The following CCDC93 variants were observed in gnomAD, a reference collection of about 807,000 sequenced individuals.
The protein encoded by CCDC93 is coiled-coil domain-containing protein 93.
CCDC93 carries 61 observed loss-of-function variants against 108.2 expected under a neutral mutation model. That is an observed-to-expected ratio of 0.56 (90% CI 0.46 to 0.70). The LOEUF is 0.70. Among genes scored for constraint, CCDC93 ranks in the 30% least tolerant of loss-of-function variants. The pLI is 0.00. For missense variants in CCDC93, 685 were observed against 764.2 expected, an observed-to-expected ratio of 0.90 and a Z score of 1.22; for synonymous variants, 276 against 260.4, an observed-to-expected ratio of 1.06 and a Z score of -0.58.
chr2:117,986,021 C>T lies in CCDC93; in HGVS notation c.568G>A (p.Glu190Lys). Residue 190 changes from glutamate (E) to lysine (K), a missense_variant, in exon 7 of 24, where the codon GAG becomes AAG. Glu to Lys is a moderately conservative substitution (Grantham distance 56, BLOSUM62 1). Transcript: ENST00000376300. ...RKYKRHQGAE[E>K]LLDEESRIHA... ...ATTCGAGATTCTTCATCAAGTAGCT[C>T]CTCTGCTCCCTGGTGGCGTTTGTAT... 1 of 1,613,872 alleles carries T rather than the reference C, an allele frequency of 6.2e-7. No individual in the cohort carries two copies. The highest frequency in any genetic ancestry group is 1.3e-5 in the African/African-American group (1 of 75,032).
intron 23 of CCDC93, among the ~76,000 whole-genome samples, chr2:117,920,910 G>A (rs912621019): frequency 1.5e-4 from 23 of 152,300 alleles, no homozygotes; most frequent in South Asian, 1.5e-3. Context: ...GGGGCCGGGC[G>A]CAGTGGCTCA....
chr2:117,923,880 A>C (rs1677980475), intron 23 of CCDC93, among the ~76,000 whole-genome samples: 1 of 152,144 alleles, frequency 6.6e-6, no homozygotes, highest in South Asian at 2.1e-4. Context: ...GGCACACCCC[A>C]GTAGGGGCAC....
chr2:117,936,655 C>G (rs202184815), intron 21 of CCDC93, 47 bp downstream of exon 21: 29 of 1,506,896 alleles, frequency 1.9e-5, no homozygotes, highest in Middle Eastern at 1.7e-4. Flanking sequence ...GAATTCAAAG[C>G]GCAGGCCGGC....
At chr2:118,003,552 TAG>T (rs1676774611) in intron 3 of CCDC93, among the ~76,000 whole-genome samples, 1 of 152,130 alleles carries the variant, frequency 6.6e-6, no homozygotes, top group Admixed American at 6.5e-5. Flanking sequence ...TTGGTTTGCA[TAG>T]AGTTACCAAT....
chr2:117,971,338 TG>T (rs2104776660), intron 11 of CCDC93, among the ~76,000 whole-genome samples: 1 of 152,256 alleles, frequency 6.6e-6, no homozygotes, highest in East Asian at 1.9e-4. Context: ...ACTCTTTGCC[TG>T]GGCAACAGAG....
At chr2:117,930,480 G>T (rs1678289334) in intron 23 of CCDC93, among the ~76,000 whole-genome samples, 2 of 152,220 alleles carry the variant, frequency 1.3e-5, no homozygotes, top group Admixed American at 1.3e-4. Context: ...TTGGGTGTTA[G>T]GAGGTGCCAG....
chr2:117,964,487 T>C (rs1366142170), intron 11 of CCDC93, among the ~76,000 whole-genome samples: 1 of 152,148 alleles, frequency 6.6e-6, no homozygotes, highest in Non-Finnish European at 1.5e-5. Context: ...AAAGCAAACA[T>C]TCTAGTCCTG....
intron 23 of CCDC93, among the ~76,000 whole-genome samples, chr2:117,923,190 G>T (rs1016671069): frequency 1.3e-5 from 2 of 152,166 alleles, no homozygotes; most frequent in Non-Finnish European, 2.9e-5. Flanking sequence ...CAGTGTAAGC[G>T]AGGCAGAAGA....
At position 117,936,750 on chromosome 2, in the gene CCDC93, A is replaced by C; in HGVS notation, c.1606-11T>G. The stretch of plus-strand genomic sequence containing the variant: ...GTTCAGCAGACTAATCTGGGGAAGT[A>C]AAAAAACAAACGAAATTATAAGACA... On this transcript the variant is annotated splice_polypyrimidine_tract_variant and intron_variant, in intron 20 of 23. Coordinates refer to ENST00000376300, the MANE Select transcript of CCDC93 (RefSeq NM_019044.5). The C allele has an allele frequency of 6.2e-7, 1 of 1,611,146 alleles. No individual in the cohort carries two copies. The highest frequency in any genetic ancestry group is 2.2e-5 in the East Asian group (1 of 44,868).
chr2:117,936,507 C>CA, intron 21 of CCDC93, 195 bp downstream of exon 21: 1 of 576,858 alleles, frequency 1.7e-6, no homozygotes, highest in Non-Finnish European at 3.1e-6. Context: ...ACTCTACTAT[C>CA]ATTATAGTTT....
rs149056337 is a variant in CCDC93 at position 117,986,235 on chromosome 2, G to A, written c.520-166C>T. On this transcript the variant is annotated intron_variant, in intron 6 of 23. Transcript: ENST00000376300. The stretch of plus-strand genomic sequence containing the variant: ...GCTGGAATGCAGTGGCGCGATCTCG[G>A]CTCACTGCCAACAGCTCTGCCTCTA... Among the ~76,000 whole-genome samples, 415 of 148,344 alleles carry A rather than the reference G, an allele frequency of 2.8e-3. 6 individuals carry two copies. Among genetic ancestry groups the A allele is most frequent in the East Asian group, 0.02 (99 of 5,002 alleles).
intron 6 of CCDC93, among the ~76,000 whole-genome samples, chr2:117,988,627 G>A (rs1680389013): frequency 6.6e-6 from 1 of 152,140 alleles, no homozygotes; most frequent in South Asian, 2.1e-4. Flanking sequence ...CACCTAAAGG[G>A]ACCCCATAGA....
Position 117,916,358 on chromosome 2 carries a change from G to A in CCDC93, c.*3985C>T, listed in dbSNP as rs956384086. On this transcript the variant is annotated 3_prime_UTR_variant, in exon 24 of 24. Transcript: ENST00000376300. ...GAATAAAAAAAAAAATCTGTAAAAG[G>A]CAATTCCTTTGAAAGATTCAAAACC... 2 of 151,826 alleles carry A rather than the reference G, an allele frequency of 1.3e-5. No individual in the cohort carries two copies. The highest frequency in any genetic ancestry group is 4.8e-5 in the African/African-American group (2 of 41,296). 9.4% of individuals were successfully genotyped at this position (151,826 alleles called of 1,614,324 possible). A position where few individuals can be genotyped will look rare whatever the true frequency, so the allele number is the denominator to read the frequency against.
At chr2:117,987,674 T>G (rs540066695) in intron 6 of CCDC93, among the ~76,000 whole-genome samples, 19 of 152,320 alleles carry the variant, frequency 1.2e-4, no homozygotes, top group Non-Finnish European at 1.8e-4. Context: ...GTCTCTTCCT[T>G]TGTATTATTT....
chr2:117,949,192 G>T lies in CCDC93; in HGVS notation c.1142+130C>A, dbSNP rs1678971773. On this transcript the variant is annotated intron_variant, in intron 14 of 23. Transcript: ENST00000376300. ...CCACTTTCTGGATGAACAGTAAAAT[G>T]ATCTGACCTGCAGGGGCCAGACCAA... 4 of 655,594 alleles carry T rather than the reference G, an allele frequency of 6.1e-6. No homozygotes were observed. In the Admixed American group the frequency reaches 7.8e-5, roughly 13 times the overall value. The allele number at this position is 655,594 out of a possible 1,614,324, so 40.6% of individuals were successfully genotyped here. A position where few individuals can be genotyped will look rare whatever the true frequency, so the allele number is the denominator to read the frequency against.
intron 11 of CCDC93, among the ~76,000 whole-genome samples, chr2:117,962,598 A>G (rs1679431913): frequency 6.6e-6 from 1 of 152,190 alleles, no homozygotes; most frequent in African/African-American, 2.4e-5. Flanking sequence ...AGCCGAGGTC[A>G]CACCACTACA....
chr2:117,921,953 G>A (rs1332196251), intron 23 of CCDC93: 1 of 151,898 alleles, frequency 6.6e-6, no homozygotes, highest in Non-Finnish European at 1.5e-5. Context: ...GAAATAAGGT[G>A]ATGCTGGGTT....
intron 1 of CCDC93, chr2:118,008,899 T>C (rs2104835364): frequency 2.1e-6 from 1 of 484,554 alleles, no homozygotes; most frequent in Non-Finnish European, 3.7e-6. Context: ...GGGAGACACA[T>C]GCCCAAGTAG....
chr2:117,947,686 G>C (rs1017665752), intron 15 of CCDC93, among the ~76,000 whole-genome samples: 2 of 142,872 alleles, frequency 1.4e-5, no homozygotes, highest in Non-Finnish European at 3.0e-5. Context: ...ACTGCTGGAT[G>C]AATCTGCTTT....
Sources: allele counts gnomAD v4.1 joint callset (sites outside exome capture counted in the v4.1 genomes callset), GRCh38; gene constraint gnomAD v4.1.1; transcripts MANE v1.5; gene names NCBI Gene and HGNC (gene_info 2026-07-23, HGNC 2026-07-21).